Variants in LRMDA observed in about 807,000 individuals in gnomAD.
LRMDA encodes the protein leucine-rich melanocyte differentiation-associated protein.
Under a neutral mutation model 29.8 loss-of-function variants are expected in LRMDA, and 18 were observed. That is an observed-to-expected ratio of 0.60 (90% CI 0.42 to 0.90). LRMDA has a LOEUF of 0.90. LRMDA is among the 40% of genes least tolerant of loss of function. The pLI is 0.00. For synonymous variants in LRMDA, 125 were observed against 109.4 expected (o/e 1.14, Z -0.89); for missense variants, 273 against 273.9 (o/e 1.00, Z 0.02).
At chr10:76,201,073 A>T (rs1229456272) in intron 5 of LRMDA, among the ~76,000 whole-genome samples, 7 of 38,290 alleles carry the variant, frequency 1.8e-4, no homozygotes, top group Admixed American at 2.5e-4. Context: ...TATTATTTTT[A>T]TTTATTTATT....
intron 5 of LRMDA, among the ~76,000 whole-genome samples, chr10:76,101,214 C>T (rs193027075): frequency 1.3e-5 from 2 of 152,134 alleles, no homozygotes; most frequent in African/African-American, 4.8e-5. Flanking sequence ...TTAATATAAA[C>T]AAAAACTACT....
intron 6 of LRMDA, among the ~76,000 whole-genome samples, chr10:76,347,851 T>G (rs1156525922): frequency 6.6e-6 from 1 of 152,234 alleles, no homozygotes; most frequent in African/African-American, 2.4e-5. Flanking sequence ...GTATCATCAT[T>G]GGTTTAACCC....
intron 5 of LRMDA, among the ~76,000 whole-genome samples, chr10:76,264,633 G>A (rs990152990): frequency 3.3e-5 from 5 of 152,034 alleles, no homozygotes; most frequent in African/African-American, 9.7e-5. Context: ...TAGGAGAGGT[G>A]CAGATTTCTA....
chr10:75,875,945 T>C (rs992542656), intron 2 of LRMDA, among the ~76,000 whole-genome samples: 7 of 151,576 alleles, frequency 4.6e-5, no homozygotes, highest in Admixed American at 2.6e-4. Flanking sequence ...TGAGGCCTGA[T>C]TGGAGAGCGG....
At chr10:75,597,818 G>A (rs1172794770) in intron 2 of LRMDA, among the ~76,000 whole-genome samples, 1 of 152,158 alleles carries the variant, frequency 6.6e-6, no homozygotes, top group Non-Finnish European at 1.5e-5. Context: ...ATTACCTGCT[G>A]GGCCTGGGCG....
chr10:75,854,902 A>C (rs1414473833), intron 2 of LRMDA, among the ~76,000 whole-genome samples: 3 of 152,150 alleles, frequency 2.0e-5, no homozygotes, highest in Non-Finnish European at 4.4e-5. Context: ...TGAACTCATC[A>C]TTTTTTATGG....
At chr10:75,556,550 A>C (rs1840215789) in intron 2 of LRMDA, among the ~76,000 whole-genome samples, 1 of 152,252 alleles carries the variant, frequency 6.6e-6, no homozygotes, top group Admixed American at 6.5e-5. Context: ...CTCAGCAAGC[A>C]AACAGCATCA....
At chr10:75,546,159 C>T (rs929909836) in intron 2 of LRMDA, among the ~76,000 whole-genome samples, 12 of 152,076 alleles carry the variant, frequency 7.9e-5, no homozygotes. Context: ...TGAGTGTTGA[C>T]CAGTGTTGGG....
intron 2 of LRMDA, among the ~76,000 whole-genome samples, chr10:75,907,351 T>C (rs901261615): frequency 1.3e-5 from 2 of 152,252 alleles, no homozygotes; most frequent in Admixed American, 1.3e-4. Flanking sequence ...TTCATTAGCT[T>C]AGCCAGACAC....
At chr10:76,379,200 T>TGTGTGTGTCC (rs1841559923) in intron 6 of LRMDA, among the ~76,000 whole-genome samples, 1 of 151,284 alleles carries the variant, frequency 6.6e-6, no homozygotes, top group Non-Finnish European at 1.5e-5. Context: ...TGTGTGTGTG[T>TGTGTGTGTCC]GTCCTTGCCT....
chr10:75,665,284 C>A (rs910747331), intron 2 of LRMDA, among the ~76,000 whole-genome samples: 2 of 152,196 alleles, frequency 1.3e-5, no homozygotes, highest in Admixed American at 6.5e-5. Context: ...AAGCCTAGAG[C>A]AGACAGGCGA....
chr10:75,687,181 T>G (rs1447067739), intron 2 of LRMDA, among the ~76,000 whole-genome samples: 1 of 152,208 alleles, frequency 6.6e-6, no homozygotes, highest in African/African-American at 2.4e-5. Context: ...CCTCTCACTT[T>G]AAATCAAAAA....
At chr10:76,090,147 G>A (rs1849207030) in intron 5 of LRMDA, among the ~76,000 whole-genome samples, 1 of 152,188 alleles carries the variant, frequency 6.6e-6, no homozygotes, top group Non-Finnish European at 1.5e-5. Flanking sequence ...GTATATGGGG[G>A]AATGTCTCAG....
chr10:75,990,967 T>C (rs1847357449), intron 2 of LRMDA, among the ~76,000 whole-genome samples: 1 of 152,166 alleles, frequency 6.6e-6, no homozygotes, highest in Non-Finnish European at 1.5e-5. Flanking sequence ...TACAGCTCTT[T>C]GATAGCAGTT....
intron 2 of LRMDA, among the ~76,000 whole-genome samples, chr10:75,750,042 T>A (rs955602241): frequency 1.3e-5 from 2 of 152,254 alleles, no homozygotes; most frequent in Non-Finnish European, 2.9e-5. Context: ...ACACAGACAC[T>A]GTAACAATCT....
chr10:75,616,249 T>C (rs55642343), intron 2 of LRMDA, among the ~76,000 whole-genome samples: 9,889 of 150,292 alleles, frequency 0.066, 1,022 homozygotes, highest in African/African-American at 0.22. Context: ...GTAGCAGCAG[T>C]AGCAGCAGCA....
chr10:75,552,653 C>A, intron 2 of LRMDA: 2 of 372,320 alleles, frequency 5.4e-6, no homozygotes, highest in Non-Finnish European at 5.5e-6. Context: ...ATTATCTCTT[C>A]AAACTTTTTT....
intron 2 of LRMDA, among the ~76,000 whole-genome samples, chr10:75,888,230 A>T (rs1236779617): frequency 6.6e-6 from 1 of 152,166 alleles, no homozygotes; most frequent in East Asian, 1.9e-4. Flanking sequence ...AAAAAAAGAG[A>T]GAGTTCTGAG....
intron 2 of LRMDA, among the ~76,000 whole-genome samples, chr10:75,491,832 G>T (rs191331166): frequency 2.4e-3 from 369 of 152,272 alleles, no homozygotes; most frequent in Non-Finnish European, 3.6e-3. Flanking sequence ...TTAATTTCAA[G>T]ATGGGAAACT....
Sources: allele counts gnomAD v4.1 joint callset (sites outside exome capture counted in the v4.1 genomes callset), GRCh38; gene constraint gnomAD v4.1.1; transcripts MANE v1.5; gene names NCBI Gene and HGNC (gene_info 2026-07-23, HGNC 2026-07-21).